PRKD2: variants seen among roughly 807,000 people sequenced by gnomAD.
The protein encoded by PRKD2 is serine/threonine-protein kinase D2.
PRKD2 carries 22 observed loss-of-function variants against 86.0 expected under a neutral mutation model. The observed-to-expected ratio is 0.26, with a 90% CI of 0.18 to 0.37. PRKD2 has a LOEUF of 0.37. Ranked by LOEUF, PRKD2 falls within the 10% of genes least tolerant of loss-of-function variation. The probability of loss-of-function intolerance (pLI) is 1.00; values close to 1 mark genes in which losing one functional copy is unlikely to be tolerated. For synonymous variants in PRKD2, 509 were observed against 510.9 expected (o/e 1.00, Z 0.05); for missense variants, 818 against 1,199.2 (o/e 0.68, Z 4.70).
In PRKD2 at chr19:46,714,364, G is replaced by A. The variant is rs561505817; in HGVS notation, c.241-363C>T. On this transcript the variant is annotated intron_variant, in intron 1 of 17. Transcript: ENST00000291281. ...GCCTCCTCCCCAGGCTCACACACCC[G>A]CCCCCCAGCTTCCTTCCTGGATCTG... The A allele has an allele frequency of 6.3e-6, 6 of 945,774 alleles. No individual in the cohort carries two copies. In the East Asian group the frequency reaches 4.2e-4, roughly 65 times the overall value. The allele number at this position is 945,774 out of a possible 1,614,324, so 58.6% of individuals were successfully genotyped here. A position where few individuals can be genotyped will look rare whatever the true frequency, so the allele number is the denominator to read the frequency against.
Position 46,700,900 on chromosome 19 carries a change from G to A in PRKD2, c.1020C>T (p.Leu340=). The change falls in exon 7 of 18, where the codon CTC becomes CTT. Residue 340 remains leucine (L), a synonymous_variant. Transcript: ENST00000291281. ...CACCGGAGTCCTCTGACTCATCCAT[G>A]AGGGCGCTCTTGTCAGCCTCGCTGA... is the stretch of plus-strand genomic sequence containing the variant. The part of the protein sequence containing the change: ...TDFSEADKSA[L]MDESEDSGVI... The A allele has an allele frequency of 6.2e-7, 1 of 1,614,236 alleles. No individual in the cohort carries two copies. Among genetic ancestry groups the A allele is most frequent in the African/African-American group, 1.3e-5 (1 of 75,078 alleles).
At chr19:46,687,409 G>GCACGGGCA (rs60355316) in intron 14 of PRKD2, among the ~76,000 whole-genome samples, 6,876 of 151,188 alleles carry the variant, frequency 0.045, 188 homozygotes, top group East Asian at 0.16. Context: ...CAAACAAAAA[G>GCACGGGCA]CACAGGCACA....
Position 46,704,242 on chromosome 19 carries a change from A to G in PRKD2, c.816T>C (p.Tyr272=). The G allele has an allele frequency of 6.2e-7, 1 of 1,614,230 alleles. No individual in the cohort carries two copies. The highest frequency in any genetic ancestry group is 2.2e-5 in the East Asian group (1 of 44,892). Residue 272 remains tyrosine (Y), a synonymous_variant, in exon 5 of 18, where the codon TAT becomes TAC. Coordinates refer to ENST00000291281, the MANE Select transcript of PRKD2 (RefSeq NM_016457.5). ...AAGCCTGGCAAACGGTGGGCCGTGT[A>G]TAGCTGTGGATGAGGAAGGTGTGCG... ...KVPHTFLIHS[Y]TRPTVCQACK...
chr19:46,700,875 C>T lies in PRKD2; in HGVS notation c.1045G>A (p.Val349Ile). ...TTCTCTGAGTGGGAGCCAGGGATGA[C>T]ACCGGAGTCCTCTGACTCATCCATG... Reference protein sequence around the residue: ...ALMDESEDSGVIPGSHSENAL... With the variant: ...ALMDESEDSGIIPGSHSENAL... The change falls in exon 7 of 18, where the codon GTC becomes ATC. Residue 349 changes from valine to isoleucine, a missense_variant. Around this residue, in one of 5 missense-constraint regions of PRKD2, gnomAD observed 403 missense variants for 518.6 expected, o/e 0.78. Coordinates refer to ENST00000291281, the MANE Select transcript of PRKD2 (RefSeq NM_016457.5). The T allele has an allele frequency of 6.2e-7, 1 of 1,614,262 alleles. No homozygotes were observed. The highest frequency in any genetic ancestry group is 8.5e-7 in the Non-Finnish European group (1 of 1,180,050).
intron 3 of PRKD2, among the ~76,000 whole-genome samples, chr19:46,707,207 T>G (rs2053726418): frequency 6.6e-6 from 1 of 152,204 alleles, no homozygotes; most frequent in African/African-American, 2.4e-5. Context: ...TCAGGATTTC[T>G]GTACAAGCGT....
chr19:46,682,585 A>G (rs2053323921), intron 14 of PRKD2, among the ~76,000 whole-genome samples: 1 of 152,176 alleles, frequency 6.6e-6, no homozygotes, highest in African/African-American at 2.4e-5. Flanking sequence ...AATGTAAACT[A>G]GAAAGTCTGG....
intron 16 of PRKD2, among the ~76,000 whole-genome samples, chr19:46,675,668 C>T (rs1447372353): frequency 6.6e-6 from 1 of 152,208 alleles, no homozygotes; most frequent in African/African-American, 2.4e-5. Flanking sequence ...TGGTCTCTAA[C>T]TCCTGACCTC....
intron 15 of PRKD2, among the ~76,000 whole-genome samples, chr19:46,679,168 C>G (rs2053258318): frequency 6.6e-6 from 1 of 152,004 alleles, no homozygotes; most frequent in African/African-American, 2.4e-5. Flanking sequence ...CACGATGAAA[C>G]CCCATCTCTA....
rs2053327432 is a variant in PRKD2, at chr19:46,682,739, T to C, written c.1972-991A>G. Among the ~76,000 whole-genome samples, 5 of 146,670 alleles carry C rather than the reference T, an allele frequency of 3.4e-5. No individual in the cohort carries two copies. In the South Asian group the frequency reaches 1.1e-3, roughly 32 times the overall value. On this transcript the variant is annotated intron_variant, in intron 14 of 17. Transcript: ENST00000291281. ...TTTTTTTTTTGAGACAGAGTCTTGC[T>C]CTGTCACTCAGGCCAGAGCACAGAG...
intron 7 of PRKD2, 36 bp from the exon 8 acceptor site, chr19:46,697,886 C>A (rs763195205): frequency 1.7e-5 from 25 of 1,514,048 alleles, no homozygotes; most frequent in African/African-American, 4.1e-5. Flanking sequence ...AAGTCACATG[C>A]AGAAAGTGAC....
At chr19:46,714,805 G>C (rs1442777226) in intron 1 of PRKD2, among the ~76,000 whole-genome samples, 2 of 152,234 alleles carry the variant, frequency 1.3e-5, no homozygotes, top group African/African-American at 4.8e-5. Context: ...TTCCCATGAA[G>C]TGGGCTGAGT....
chr19:46,682,007 A>AT (rs1042375851), intron 14 of PRKD2, among the ~76,000 whole-genome samples: 4,787 of 143,216 alleles, frequency 0.033, 245 homozygotes, highest in African/African-American at 0.11. Flanking sequence ...TGCCCAGCTA[A>AT]TTTTTTTTTT....
intron 3 of PRKD2, among the ~76,000 whole-genome samples, chr19:46,709,545 G>A (rs375856449): frequency 2.8e-3 from 422 of 152,214 alleles, no homozygotes; most frequent in African/African-American, 9.4e-3. Flanking sequence ...ATTTTTAGTA[G>A]AGACGGGGTT....
rs565313519 is a variant in PRKD2, at chr19:46,675,688, G to A, written c.2339-570C>T. Among the ~76,000 whole-genome samples, 115 of 152,150 alleles carry A rather than the reference G, an allele frequency of 7.6e-4. 2 individuals are homozygous for A. Among genetic ancestry groups the A allele is most frequent in the Admixed American group, 1.8e-3 (27 of 15,270 alleles). On this transcript the variant is annotated intron_variant, in intron 16 of 17. Coordinates refer to ENST00000291281, the MANE Select transcript of PRKD2 (RefSeq NM_016457.5). Reference sequence around the variant, plus strand: ...TCTAACTCCTGACCTCAAGCAATCCGCCTGCCTTGGCCTCCCAAATTGTTG... The same window carrying A: ...TCTAACTCCTGACCTCAAGCAATCCACCTGCCTTGGCCTCCCAAATTGTTG...
chr19:46,690,273 G>A (rs372945347), intron 13 of PRKD2, among the ~76,000 whole-genome samples: 2 of 152,058 alleles, frequency 1.3e-5, no homozygotes, highest in African/African-American at 4.8e-5. Flanking sequence ...GGCAGCCTGC[G>A]GGATTTTCCT....
intron 3 of PRKD2, 78 bp from the exon 4 acceptor site, chr19:46,704,727 A>C: frequency 1.3e-6 from 2 of 1,504,156 alleles, no homozygotes; most frequent in Non-Finnish European, 1.8e-6. Context: ...TGCCCTTTCC[A>C]CCCAATCTCT....
At chr19:46,709,476 G>A (rs12982786) in intron 3 of PRKD2, 11,197 of 152,786 alleles carry the variant, frequency 0.073, 471 homozygotes, top group East Asian at 0.096. Flanking sequence ...AGATTCTCCT[G>A]ACTGAGCCTC....
chr19:46,682,799 G>T (rs1295403505), intron 14 of PRKD2, among the ~76,000 whole-genome samples: 2 of 148,878 alleles, frequency 1.3e-5, no homozygotes, highest in Non-Finnish European at 3.0e-5. Flanking sequence ...CGACCTCCCA[G>T]GCTAAATCCA....
chr19:46,708,974 T>G (rs995839673), intron 3 of PRKD2, among the ~76,000 whole-genome samples: 1 of 87,710 alleles, frequency 1.1e-5, no homozygotes, highest in African/African-American at 3.8e-5. Context: ...TGTTTGTGGT[T>G]TTTTTTTTTT....
Sources: gnomAD v4.1 joint callset for allele counts (sites outside exome capture counted in the v4.1 genomes callset) on GRCh38, gnomAD v4.1.1 for gene constraint, gnomAD v4.1.1 regional missense constraint, MANE v1.5 for transcripts, NCBI Gene and HGNC (gene_info 2026-07-23, HGNC 2026-07-21) for gene names.